The following PTER variants were observed in gnomAD, a reference collection of about 807,000 sequenced individuals.
The protein encoded by PTER is phosphotriesterase related, also known as N-acetyltaurine hydrolase.
Under a neutral mutation model 29.6 loss-of-function variants are expected in PTER, and 38 were observed. That is an observed-to-expected ratio of 1.28 (90% CI 0.99 to 1.68). PTER has a LOEUF of 1.68. PTER is among the 40% of genes most tolerant of loss of function. The pLI, the probability that PTER is intolerant of heterozygous loss-of-function variation, is 0.00. For synonymous variants in PTER, 172 were observed against 154.5 expected (o/e 1.11, Z -0.84); for missense variants, 482 against 427.8 (o/e 1.13, Z -1.12).
chr10:16,438,755 C>G (rs972433174), intron 1 of PTER, among the ~76,000 whole-genome samples: 1 of 151,314 alleles, frequency 6.6e-6, no homozygotes, highest in Non-Finnish European at 1.5e-5. Context: ...TGTGAAACCT[C>G]TTTTCTTCAA....
At chr10:16,510,319 A>T (rs1836763078) in intron 4 of PTER, among the ~76,000 whole-genome samples, 1 of 152,228 alleles carries the variant, frequency 6.6e-6, no homozygotes, top group African/African-American at 2.4e-5. Context: ...TAGTCCACTG[A>T]CTATAAATTT....
chr10:16,518,931 A>G, the PTER span, among the ~76,000 whole-genome samples: 2 of 152,018 alleles, frequency 1.3e-5, no homozygotes, highest in African/African-American at 4.8e-5. Context: ...CCATTTGCCT[A>G]TAACTGTTTT....
intron 2 of PTER, among the ~76,000 whole-genome samples, chr10:16,485,970 A>G (rs561227629): frequency 6.6e-6 from 1 of 152,166 alleles, no homozygotes; most frequent in Non-Finnish European, 1.5e-5. Context: ...ATGACTTGAT[A>G]CACGGGACAT....
At chr10:16,471,666 C>G (rs1290585095) in intron 1 of PTER, among the ~76,000 whole-genome samples, 1 of 152,024 alleles carries the variant, frequency 6.6e-6, no homozygotes, top group East Asian at 1.9e-4. Context: ...TTTTTTTCTT[C>G]ACATCAAAGA....
rs906226556 is a variant in PTER at position 16,440,402 on chromosome 10, T to TA, written c.-49+3363dup. ...CTTCTCATTCATAGACATCATCTCTTAAAAAAAAGAAAAAGAAAAAAGAAT... is the reference window on the plus strand; with the variant it reads ...CTTCTCATTCATAGACATCATCTCTTAAAAAAAAAGAAAAAGAAAAAAGAAT... On this transcript the variant is annotated intron_variant, in intron 1 of 4. Transcript: ENST00000535784. Among the ~76,000 whole-genome samples the TA allele has an allele frequency of 5.9e-5, 9 of 151,494 alleles. No individual in the cohort carries two copies. In the South Asian group the frequency reaches 6.3e-4, roughly 11 times the overall value.
chr10:16,445,638 T>C (rs1343666545), intron 1 of PTER, among the ~76,000 whole-genome samples: 1 of 152,186 alleles, frequency 6.6e-6, no homozygotes, highest in Non-Finnish European at 1.5e-5. Context: ...TCAGAGCCTA[T>C]TAGCCATGGC....
At chr10:16,516,742 T>C (rs45527238), downstream of PTER, among the ~76,000 whole-genome samples, 1 of 152,198 alleles carries the variant, frequency 6.6e-6, no homozygotes, top group Non-Finnish European at 1.5e-5. Context: ...CGAGTGAACG[T>C]CACCATTTTT....
At chr10:16,470,543 A>T (rs1367793271) in intron 1 of PTER, among the ~76,000 whole-genome samples, 5 of 152,198 alleles carry the variant, frequency 3.3e-5, no homozygotes, top group Admixed American at 3.3e-4. Flanking sequence ...CGAGGCAGGC[A>T]GATCACTTGA....
chr10:16,508,504 A>G (rs1003997565), intron 4 of PTER, among the ~76,000 whole-genome samples: 17 of 152,146 alleles, frequency 1.1e-4, no homozygotes, highest in Admixed American at 2.6e-4. Context: ...CAGACCTTCT[A>G]GAACAAGAGA....
intron 1 of PTER, among the ~76,000 whole-genome samples, chr10:16,463,659 G>A (rs557337615): frequency 4.0e-5 from 6 of 151,832 alleles, no homozygotes; most frequent in Admixed American, 1.3e-4. Context: ...CAGGTGATCC[G>A]CTCATCTCGG....
intron 1 of PTER, among the ~76,000 whole-genome samples, chr10:16,447,102 T>TTC: frequency 2.7e-5 from 1 of 37,000 alleles, no homozygotes; most frequent in East Asian, 8.6e-4. Flanking sequence ...TTTTCTTTTC[T>TTC]TTTTTTTTTT....
chr10:16,474,810 C>G (rs578018091), intron 1 of PTER, among the ~76,000 whole-genome samples: 1 of 152,190 alleles, frequency 6.6e-6, no homozygotes, highest in East Asian at 1.9e-4. Flanking sequence ...TCGCTTGAAC[C>G]CAGGAAGCAG....
At chr10:16,458,021 T>G (rs1834475327) in intron 1 of PTER, among the ~76,000 whole-genome samples, 1 of 152,254 alleles carries the variant, frequency 6.6e-6, no homozygotes, top group Non-Finnish European at 1.5e-5. Context: ...GCACCATGTC[T>G]GCTTTTTCTG....
Position 16,486,631 on chromosome 10 carries a change from C to G in PTER, c.698+14C>G, listed in dbSNP as rs1835712217. On this transcript the variant is annotated intron_variant, in intron 3 of 4. Coordinates refer to ENST00000535784, the MANE Select transcript of PTER (RefSeq NM_001261836.2). ...ACACCTGGATAGGTAAGTAGGCTGTCTTACAAATGGATGCAAACTGCCATA... is the reference window on the plus strand; with the variant it reads ...ACACCTGGATAGGTAAGTAGGCTGTGTTACAAATGGATGCAAACTGCCATA... 1.9e-6 allele frequency: 3 copies of G among 1,593,836 alleles called. No individual in the cohort carries two copies. Among genetic ancestry groups the G allele is most frequent in the Non-Finnish European group, 2.6e-6 (3 of 1,168,854 alleles).
intron 1 of PTER, among the ~76,000 whole-genome samples, chr10:16,464,459 G>C (rs2133399891): frequency 6.6e-6 from 1 of 152,334 alleles, no homozygotes; most frequent in East Asian, 1.9e-4. Flanking sequence ...GGGGAAAACA[G>C]TATTTATTTA....
chr10:16,507,906 TA>T (rs1836640000), intron 4 of PTER, among the ~76,000 whole-genome samples: 1 of 152,174 alleles, frequency 6.6e-6, no homozygotes, highest in Non-Finnish European at 1.5e-5. Flanking sequence ...AAAGCCCTAG[TA>T]GTTAGTTTAT....
chr10:16,489,641 G>A (rs1474019552), intron 3 of PTER, among the ~76,000 whole-genome samples: 1 of 151,900 alleles, frequency 6.6e-6, no homozygotes, highest in African/African-American at 2.4e-5. Flanking sequence ...TTTAATTGTG[G>A]TAAAATGTGC....
At position 16,512,478 on chromosome 10, in the gene PTER, A is replaced by G. The variant is rs1836852530; in HGVS notation, c.*1222A>G. ...TCACAAAGACCAATTAGAATTAGTCATTATTCTTGATGAAGAGTCTGTTTT... is the reference window on the plus strand; with the variant it reads ...TCACAAAGACCAATTAGAATTAGTCGTTATTCTTGATGAAGAGTCTGTTTT... On this transcript the variant is annotated 3_prime_UTR_variant, in exon 5 of 5. Transcript: ENST00000535784. The G allele has an allele frequency of 6.6e-6, 1 of 152,174 alleles. No individual in the cohort carries two copies. Among genetic ancestry groups the G allele is most frequent in the African/African-American group, 2.4e-5 (1 of 41,458 alleles). 9.4% of individuals were successfully genotyped at this position (152,174 alleles called of 1,614,324 possible). A position where few individuals can be genotyped will look rare whatever the true frequency, so the allele number is the denominator to read the frequency against.
chr10:16,460,202 T>A (rs1834561936), intron 1 of PTER, among the ~76,000 whole-genome samples: 1 of 152,234 alleles, frequency 6.6e-6, no homozygotes, highest in South Asian at 2.1e-4. Flanking sequence ...TGAGATTAGG[T>A]CTTCTGGTCC....
Sources: allele counts gnomAD v4.1 joint callset (sites outside exome capture counted in the v4.1 genomes callset), GRCh38; gene constraint gnomAD v4.1.1; transcripts MANE v1.5; gene names NCBI Gene and HGNC (gene_info 2026-07-23, HGNC 2026-07-21).